Variants in MTCL1 observed in about 807,000 individuals in gnomAD.
The protein encoded by MTCL1 is microtubule cross-linking factor 1.
In MTCL1, 79 loss-of-function variants were observed where a neutral mutation model predicts 141.4. That is an observed-to-expected ratio of 0.56 (90% confidence interval 0.47 to 0.67). The LOEUF is 0.67. Among genes scored for constraint, MTCL1 ranks in the 30% least tolerant of loss-of-function variants. MTCL1 has a pLI of 0.00. For synonymous variants in MTCL1, 914 were observed against 875.8 expected, an observed-to-expected ratio of 1.04 and a Z score of -0.77; for missense variants, 2,177 against 2,113.9, an observed-to-expected ratio of 1.03 and a Z score of -0.59.
chr18:8,708,729 A>T (rs188911559), intron 1 of MTCL1, among the ~76,000 whole-genome samples: 9 of 152,326 alleles, frequency 5.9e-5, no homozygotes, highest in Admixed American at 5.9e-4. Context: ...GAGGGCCGTC[A>T]TGCCCGTCTC....
At chr18:8,798,364 GTTTT>G in intron 10 of MTCL1, 73 bp downstream of exon 9, 3 of 1,309,198 alleles carry the variant, frequency 2.3e-6, no homozygotes, top group Non-Finnish European at 3.0e-6. Context: ...CATTTGGGTC[GTTTT>G]GTTTCCAGTG....
chr18:8,710,614 T>C (rs1478185556), intron 1 of MTCL1, among the ~76,000 whole-genome samples: 1 of 151,690 alleles, frequency 6.6e-6, no homozygotes, highest in East Asian at 1.9e-4. Context: ...TGATGAGTTT[T>C]TTTTTTTCAC....
At position 8,829,620 on chromosome 18, in the gene MTCL1, T is replaced by C. The variant is rs2077132783; in HGVS notation, c.*18+656T>C. On this transcript the variant is annotated intron_variant, in intron 16 of 16. Transcript: ENST00000359865. ...AAAGCACATGAGAAAAGATATACTTTTTGATCAAGGATATAGTCATCCACC... is the reference window on the plus strand; with the variant it reads ...AAAGCACATGAGAAAAGATATACTTCTTGATCAAGGATATAGTCATCCACC... The C allele has an allele frequency of 3.0e-6, 3 of 985,222 alleles. No individual in the cohort carries two copies. In the South Asian group the frequency reaches 1.4e-4, roughly 46 times the overall value. 61.0% of individuals were successfully genotyped at this position (985,222 alleles called of 1,614,324 possible).
chr18:8,786,766 T>C, intron 7 of MTCL1: 2 of 211,936 alleles, frequency 9.4e-6, no homozygotes, highest in Non-Finnish European at 1.9e-5. Flanking sequence ...GAAGCACCTT[T>C]AAAAGTCCAA....
chr18:8,712,885 G>A (rs550232645), upstream of MTCL1, among the ~76,000 whole-genome samples: 18 of 152,264 alleles, frequency 1.2e-4, no homozygotes, highest in South Asian at 2.3e-3. Context: ...CATCCAAACT[G>A]GGTCTATTTA....
chr18:8,770,209 A>G (rs918929537), intron 4 of MTCL1, among the ~76,000 whole-genome samples: 143 of 152,186 alleles, frequency 9.4e-4, no homozygotes, highest in African/African-American at 3.3e-3. Flanking sequence ...ATCTTGAAAC[A>G]TTACCCAACT....
upstream of MTCL1, chr18:8,705,616 C>G (rs986111536): frequency 1.5e-4 from 184 of 1,213,988 alleles, no homozygotes; most frequent in East Asian, 5.7e-3. The surrounding 1 kb of genome is among the most constrained non-coding windows in gnomAD (Gnocchi z 5.2). Flanking sequence ...CCGCCGTCGT[C>G]GTCCGGAGCA....
intron 4 of MTCL1, among the ~76,000 whole-genome samples, chr18:8,746,285 A>G (rs149002439): frequency 6.6e-6 from 1 of 152,286 alleles, no homozygotes; most frequent in African/African-American, 2.4e-5. Context: ...TGATACCTCT[A>G]CTTTGAATTT....
exon 6 of MTCL1, chr18:8,783,986 A>G (rs2096541564): frequency 1.2e-6 from 2 of 1,613,632 alleles, no homozygotes; most frequent in Non-Finnish European, 1.7e-6. Context: ...CCGGAGGTCC[A>G]TCTCCGAGAT....
At chr18:8,791,701 C>T (rs2075732533) in intron 7 of MTCL1, among the ~76,000 whole-genome samples, 1 of 152,100 alleles carries the variant, frequency 6.6e-6, no homozygotes, top group Non-Finnish European at 1.5e-5. Flanking sequence ...TCATTGAGGT[C>T]AATTCAACAT....
chr18:8,718,125 G>T (rs2096142132), intron 2 of MTCL1, among the ~76,000 whole-genome samples: 1 of 152,190 alleles, frequency 6.6e-6, no homozygotes, highest in Non-Finnish European at 1.5e-5. Flanking sequence ...TATCTGCAGA[G>T]TTGATTTTAT....
intron 4 of MTCL1, among the ~76,000 whole-genome samples, chr18:8,745,176 G>A (rs1256784150): frequency 3.3e-5 from 5 of 152,126 alleles, no homozygotes; most frequent in Admixed American, 1.3e-4. Context: ...TATATTTTAT[G>A]TAAACTAAAT....
upstream of MTCL1, among the ~76,000 whole-genome samples, chr18:8,714,720 T>A (rs1210148747): frequency 2.0e-5 from 3 of 152,158 alleles, no homozygotes; most frequent in Non-Finnish European, 2.9e-5. Flanking sequence ...CACGTGAGGA[T>A]TATGGGAGCT....
chr18:8,714,353 G>C (rs770413848), upstream of MTCL1, among the ~76,000 whole-genome samples: 1 of 152,128 alleles, frequency 6.6e-6, no homozygotes, highest in Non-Finnish European at 1.5e-5. Context: ...AATAAACGAC[G>C]CCTGTTCTGT....
chr18:8,797,983 A>G (rs1598715858), intron 9 of MTCL1, 114 bp from the exon 9 acceptor site: 23 of 1,028,690 alleles, frequency 2.2e-5, no homozygotes, highest in Non-Finnish European at 3.1e-5. Context: ...AGGACTGAGA[A>G]GTATAGGCGT....
chr18:8,794,719 A>G (rs76192137), intron 8 of MTCL1, among the ~76,000 whole-genome samples: 2,570 of 152,302 alleles, frequency 0.017, 36 homozygotes, highest in Non-Finnish European at 0.025. Context: ...AGTCATGAAC[A>G]TGTTTGCAGT....
intron 7 of MTCL1, chr18:8,789,696 G>C (rs2075651274): frequency 1.0e-6 from 1 of 985,264 alleles, no homozygotes; most frequent in African/African-American, 1.7e-5. Context: ...AGATCAAGAT[G>C]AATTTGATGT....
intron 16 of MTCL1, 125 bp from the exon 15 acceptor site, chr18:8,831,482 T>C: frequency 6.9e-7 from 1 of 1,452,250 alleles, no homozygotes; most frequent in Non-Finnish European, 9.1e-7. Context: ...GTAGTTAATA[T>C]TCACGAGTTG....
chr18:8,720,536 A>G (rs2096163425), intron 4 of MTCL1, 40 bp downstream of exon 3: 18 of 1,589,416 alleles, frequency 1.1e-5, no homozygotes, highest in Non-Finnish European at 1.5e-5. Flanking sequence ...CTTGGATTTA[A>G]TAAGGAGGAG....
Sources: gnomAD v4.1 joint callset for allele counts (sites outside exome capture counted in the v4.1 genomes callset) on GRCh38, gnomAD v4.1.1 for gene constraint, Gnocchi (gnomAD v3.1) non-coding constraint, MANE v1.5 for transcripts, NCBI Gene and HGNC (gene_info 2026-07-23, HGNC 2026-07-21) for gene names.